Variants in SLC47A2 observed in about 807,000 individuals in gnomAD.
The protein encoded by SLC47A2 is multidrug and toxin extrusion protein 2.
SLC47A2 carries 52 observed loss-of-function variants against 67.7 expected under a neutral mutation model. The observed-to-expected ratio is 0.77, with a 90% CI of 0.61 to 0.97. SLC47A2 has a LOEUF of 0.97. Ranked by LOEUF, SLC47A2 falls within the 50% of genes least tolerant of loss-of-function variation. The pLI is 0.00. For missense variants in SLC47A2, 676 were observed against 712.3 expected, an observed-to-expected ratio of 0.95 and a Z score of 0.58; for synonymous variants, 278 against 292.9, an observed-to-expected ratio of 0.95 and a Z score of 0.52.
intron 13 of SLC47A2, among the ~76,000 whole-genome samples, chr17:19,696,398 G>T (rs1386851816): frequency 1.3e-5 from 2 of 150,606 alleles, no homozygotes; most frequent in Non-Finnish European, 3.0e-5. Flanking sequence ...GGAGGTGGAG[G>T]TTGCAGTAAG....
intron 15 of SLC47A2, among the ~76,000 whole-genome samples, chr17:19,680,279 GC>G (rs1010631548): frequency 6.6e-6 from 1 of 151,974 alleles, no homozygotes; most frequent in African/African-American, 2.4e-5. Flanking sequence ...GGAATTCAAG[GC>G]CAGTCTGGGC....
rs2086180959 is a variant in SLC47A2, at chr17:19,714,007, C to T, written c.295-34G>A. ...CAGCCCGCCCCGCGTCAGCCGTTTCCACTGCCCGGGACATTCCTAAATCCC... is the reference window on the plus strand; with the variant it reads ...CAGCCCGCCCCGCGTCAGCCGTTTCTACTGCCCGGGACATTCCTAAATCCC... On this transcript the variant is annotated intron_variant, in intron 3 of 16. Transcript: ENST00000433844. 5 of 1,602,340 alleles carry T rather than the reference C, an allele frequency of 3.1e-6. No individual in the cohort carries two copies. The South Asian group carries it at 3.3e-5, about 11-fold the overall frequency.
intron 13 of SLC47A2, among the ~76,000 whole-genome samples, chr17:19,688,242 A>G (rs2085467839): frequency 6.6e-6 from 1 of 152,236 alleles, no homozygotes; most frequent in South Asian, 2.1e-4. Flanking sequence ...ACATCATATC[A>G]AGAGAATTAA....
chr17:19,684,777 TA>T (rs2085386257), intron 13 of SLC47A2, among the ~76,000 whole-genome samples: 1 of 151,788 alleles, frequency 6.6e-6, no homozygotes, highest in Non-Finnish European at 1.5e-5. Context: ...AGCAGAAGAC[TA>T]AAACATGCAT....
chr17:19,712,556 C>T, intron 5 of SLC47A2, 147 bp downstream of exon 5: 1 of 747,158 alleles, frequency 1.3e-6, no homozygotes, highest in African/African-American at 1.8e-5. Flanking sequence ...TTTGCACCAA[C>T]TGCAACGGGA....
At chr17:19,704,515 AAAAGCTCCCTGT>A in intron 10 of SLC47A2, 2 of 903,906 alleles carry the variant, frequency 2.2e-6, no homozygotes, top group Non-Finnish European at 3.3e-6. Flanking sequence ...TTAGTCCCAG[AAAAGCTCCCTGT>A]AAGAAAAAAG....
intron 13 of SLC47A2, among the ~76,000 whole-genome samples, chr17:19,694,744 C>T (rs988123332): frequency 6.6e-6 from 1 of 151,940 alleles, no homozygotes; most frequent in Admixed American, 6.6e-5. Flanking sequence ...GGTGAAACCC[C>T]ATCTCTACTA....
At chr17:19,705,639 G>A (rs12601430) in intron 9 of SLC47A2, 136 bp from the exon 10 acceptor site, 250,858 of 754,982 alleles carry the variant, frequency 0.33, 44,326 homozygotes, top group East Asian at 0.37. Context: ...TCACTCTGTC[G>A]CTTGAGCTGG....
In SLC47A2 at chr17:19,694,494, T is replaced by A. The variant is rs370814778; in HGVS notation, c.1164+8111A>T. On this transcript the variant is annotated intron_variant, in intron 13 of 16. Coordinates refer to ENST00000433844, the MANE Select transcript of SLC47A2 (RefSeq NM_001099646.3). ...TATGGTCAGTTGATTTTCAACTGTG[T>A]TTCCAAGAAACTTAGTACTGGAGAA... is the stretch of plus-strand genomic sequence containing the variant. 2.6e-5 allele frequency among the ~76,000 whole-genome samples: 4 copies of A among 152,186 alleles called. No homozygotes were observed. The East Asian group carries it at 7.7e-4, about 29-fold the overall frequency.
intron 4 of SLC47A2, 139 bp downstream of exon 4, chr17:19,713,686 G>A (rs970421666): frequency 8.4e-7 from 1 of 1,185,078 alleles, no homozygotes; most frequent in Non-Finnish European, 1.1e-6. Flanking sequence ...AAGCCTGGAA[G>A]GTACCCACAG....
chr17:19,714,048 T>A, intron 3 of SLC47A2, 75 bp from the exon 4 acceptor site: 4 of 1,531,258 alleles, frequency 2.6e-6, no homozygotes, highest in Non-Finnish European at 8.8e-7. Context: ...GGGAGCGGGC[T>A]GTCAGCGGCG....
intron 4 of SLC47A2, 138 bp downstream of exon 4, chr17:19,713,687 G>T: frequency 1.7e-6 from 2 of 1,201,858 alleles, no homozygotes; most frequent in South Asian, 1.8e-5. Context: ...AGCCTGGAAG[G>T]TACCCACAGG....
intron 13 of SLC47A2, among the ~76,000 whole-genome samples, chr17:19,683,145 C>T (rs2152338830): frequency 6.6e-6 from 1 of 152,146 alleles, no homozygotes; most frequent in East Asian, 1.9e-4. Flanking sequence ...AAGACTTCTC[C>T]CAAATTATGA....
intron 13 of SLC47A2, among the ~76,000 whole-genome samples, chr17:19,691,176 C>T (rs1367542161): frequency 1.3e-5 from 2 of 151,194 alleles, no homozygotes; most frequent in Admixed American, 6.6e-5. Context: ...TAAATTAGTA[C>T]AGCCACTGTG....
Position 19,678,642 on chromosome 17 carries a change from A to G in SLC47A2, c.*44T>C, listed in dbSNP as rs1567611841. The G allele has an allele frequency of 1.3e-6, 2 of 1,596,638 alleles. No homozygotes were observed. Among genetic ancestry groups the G allele is most frequent in the South Asian group, 2.2e-5 (2 of 90,660 alleles). On this transcript the variant is annotated 3_prime_UTR_variant, in exon 17 of 17. Transcript: ENST00000433844. ...AGGGCAGACCGTGGTGTGTTTGCATACTGGGGACAGCCACTCCTGGCTTTC... is the reference window on the plus strand; with the variant it reads ...AGGGCAGACCGTGGTGTGTTTGCATGCTGGGGACAGCCACTCCTGGCTTTC...
chr17:19,710,177 A>G (rs2086056991), intron 5 of SLC47A2, among the ~76,000 whole-genome samples: 2 of 152,198 alleles, frequency 1.3e-5, no homozygotes, highest in African/African-American at 4.8e-5. Flanking sequence ...TAGCACACAG[A>G]ACTGCCAGTC....
chr17:19,689,301 G>T (rs2085490603), intron 13 of SLC47A2, among the ~76,000 whole-genome samples: 1 of 152,188 alleles, frequency 6.6e-6, no homozygotes, highest in Admixed American at 6.5e-5. Flanking sequence ...ACAAAAATCA[G>T]TAGCATTTCT....
chr17:19,705,335 G>A lies in SLC47A2; in HGVS notation c.909+101C>T, dbSNP rs58045813. ...ACGAGAGGCCCGGGGAGGGTCCTTC[G>A]GGAGACAGAGATAGCTTCAGGTGAC... On this transcript the variant is annotated intron_variant, in intron 10 of 16. Coordinates refer to ENST00000433844, the MANE Select transcript of SLC47A2 (RefSeq NM_001099646.3). The A allele has an allele frequency of 2.5e-3, 3,286 of 1,314,554 alleles. 57 individuals carry two copies. The African/African-American group carries it at 0.039, about 16-fold the overall frequency. The allele number at this position is 1,314,554 out of a possible 1,614,324, so 81.4% of individuals were successfully genotyped here.
chr17:19,678,730 G>T lies in SLC47A2; in HGVS notation c.1657C>A (p.Leu553Met), dbSNP rs778887931. Reference sequence around the variant, plus strand: ...ATCCTGACCGTGAGCCCCACCATCAGTGTGGCTGACGCCGCCCCCAGAGCA... The same window carrying T: ...ATCCTGACCGTGAGCCCCACCATCATTGTGGCTGACGCCGCCCCCAGAGCA... ...GAALGAASAT[L>M]MVGLTVRILA... The change falls in exon 17 of 17, where the codon CTG (leucine) becomes ATG (methionine). Residue 553 changes from leucine to methionine, a missense_variant. Leu to Met is a conservative substitution (Grantham distance 15). Coordinates refer to ENST00000433844, the MANE Select transcript of SLC47A2 (RefSeq NM_001099646.3). 6.2e-7 allele frequency: 1 copy of T among 1,613,728 alleles called. No homozygotes were observed. Among genetic ancestry groups the T allele is most frequent in the Non-Finnish European group, 8.5e-7 (1 of 1,180,040 alleles).
Sources: allele counts gnomAD v4.1 joint callset (sites outside exome capture counted in the v4.1 genomes callset), GRCh38; gene constraint gnomAD v4.1.1; transcripts MANE v1.5; gene names NCBI Gene and HGNC (gene_info 2026-07-23, HGNC 2026-07-21).